ERC1: variants seen among roughly 807,000 people sequenced by gnomAD.
The protein encoded by ERC1 is ELKS/RAB6-interacting/CAST family member 1.
A neutral mutation model predicts 132.0 loss-of-function variants in ERC1; 56 were observed. The observed-to-expected ratio is 0.42, with a 90% CI of 0.34 to 0.53. The LOEUF is 0.53. Ranked by LOEUF, ERC1 falls within the 20% of genes least tolerant of loss-of-function variation. ERC1 has a pLI of 0.03. For missense variants in ERC1, 1,202 were observed against 1,349.9 expected (o/e 0.89, Z 1.72); for synonymous variants, 478 against 476.1 (o/e 1.00, Z -0.05).
intron 18 of ERC1, among the ~76,000 whole-genome samples, chr12:1,445,538 C>T (rs141270871): frequency 2.4e-3 from 362 of 152,200 alleles, no homozygotes; most frequent in African/African-American, 5.7e-3. Flanking sequence ...GCCAGTTGTA[C>T]GCTAGATCTC....
At chr12:1,380,202 G>C (rs949083065) in intron 16 of ERC1, 3 of 152,230 alleles carry the variant, frequency 2.0e-5, no homozygotes, top group African/African-American at 7.2e-5. Flanking sequence ...AAAGGGACAA[G>C]TTCCATTCTC....
At chr12:1,240,641 C>T (rs150584149) in intron 13 of ERC1, among the ~76,000 whole-genome samples, 2 of 152,074 alleles carry the variant, frequency 1.3e-5, no homozygotes, top group East Asian at 1.9e-4. Context: ...CATATCTTTG[C>T]TTGAATTTCA....
intron 14 of ERC1, among the ~76,000 whole-genome samples, chr12:1,284,762 C>T (rs903766660): frequency 9.9e-5 from 15 of 152,250 alleles, no homozygotes; most frequent in African/African-American, 3.4e-4. Context: ...CTGCAAACTC[C>T]TGGGCTCAAG....
chr12:1,355,495 G>T (rs767188184), intron 15 of ERC1, among the ~76,000 whole-genome samples: 11 of 152,122 alleles, frequency 7.2e-5, no homozygotes, highest in Non-Finnish European at 1.5e-4. Flanking sequence ...CAGCAGTGCT[G>T]TTATGACCAG....
At chr12:1,243,003 A>T (rs190473405) in intron 13 of ERC1, among the ~76,000 whole-genome samples, 2,637 of 151,398 alleles carry the variant, frequency 0.017, 47 homozygotes, top group Admixed American at 0.037. Context: ...CTGGCTAACA[A>T]GGTGAAACCC....
At chr12:1,382,142 ACT>A (rs1266497130) in intron 16 of ERC1, among the ~76,000 whole-genome samples, 6 of 152,172 alleles carry the variant, frequency 3.9e-5, no homozygotes, top group African/African-American at 1.4e-4. Flanking sequence ...TCTAGATCCA[ACT>A]CTGTTGATAA....
intron 1 of ERC1, among the ~76,000 whole-genome samples, chr12:1,011,161 G>C (rs527343827): frequency 1.3e-5 from 2 of 152,002 alleles, no homozygotes; most frequent in African/African-American, 4.8e-5. Context: ...AATTACAGTG[G>C]CTCTCCTTTT....
At chr12:1,455,005 G>A (rs1034969568) in intron 18 of ERC1, among the ~76,000 whole-genome samples, 6 of 152,156 alleles carry the variant, frequency 3.9e-5, no homozygotes, top group Admixed American at 2.0e-4. Flanking sequence ...GAAATAGATT[G>A]AGGTAATGTC....
chr12:1,182,075 C>G lies in ERC1; in HGVS notation c.2016+10C>G. ...CCTTTCAGAGAAAGAGGTTAAGCTCCCCAAAATGGAATTAGTTTGTTTGCT... is the reference window on the plus strand; with the variant it reads ...CCTTTCAGAGAAAGAGGTTAAGCTCGCCAAAATGGAATTAGTTTGTTTGCT... On this transcript the variant is annotated intron_variant, in intron 10 of 18. Transcript: ENST00000360905. 1.2e-6 allele frequency: 2 copies of G among 1,611,604 alleles called. No individual in the cohort carries two copies. The highest frequency in any genetic ancestry group is 1.7e-6 in the Non-Finnish European group (2 of 1,178,800).
chr12:1,196,976 ATTTT>A (rs1172269593), intron 12 of ERC1, among the ~76,000 whole-genome samples: 8 of 73,318 alleles, frequency 1.1e-4, no homozygotes, highest in East Asian at 9.3e-4. Context: ...ATATATATAT[ATTTT>A]TTTTTTTTTT....
intron 15 of ERC1, among the ~76,000 whole-genome samples, chr12:1,344,303 G>GTTAA (rs1595127562): frequency 1.3e-5 from 2 of 151,984 alleles, no homozygotes; most frequent in East Asian, 3.8e-4. Context: ...GCTTTTCTTC[G>GTTAA]CTAATCATGA....
intron 17 of ERC1, among the ~76,000 whole-genome samples, chr12:1,412,918 C>T (rs933019760): frequency 1.6e-4 from 25 of 152,298 alleles, no homozygotes; most frequent in African/African-American, 5.5e-4. Context: ...CTAACATCAT[C>T]GTCTAATCCA....
At chr12:1,061,423 C>T (rs1937857700) in intron 2 of ERC1, among the ~76,000 whole-genome samples, 2 of 119,566 alleles carry the variant, frequency 1.7e-5, no homozygotes, top group African/African-American at 6.8e-5. Context: ...TGGTGAAACC[C>T]TGTCTCTACT....
At chr12:1,188,972 T>G (rs1267438665) in intron 11 of ERC1, among the ~76,000 whole-genome samples, 3 of 152,240 alleles carry the variant, frequency 2.0e-5, no homozygotes, top group Non-Finnish European at 4.4e-5. Context: ...TGAAACTGTT[T>G]TGTATTCCAA....
chr12:1,408,216 A>G lies in ERC1; in HGVS notation c.2993A>G (p.Asn998Ser), dbSNP rs906921044. The change falls in exon 17 of 19, where the codon AAT (asparagine) becomes AGT (serine). Residue 998 changes from asparagine to serine, a missense_variant. By Grantham distance (46) the Asn-to-Ser change is conservative. Coordinates refer to ENST00000360905, the MANE Select transcript of ERC1 (RefSeq NM_178040.4). ...EDDHFKSSHS[N>S]QTNHKPSPDQ... ...GACCACTTCAAATCCTCCCATTCCA[A>G]TCAAACAAATCACAAGCCCTCCCCA... 2.5e-6 allele frequency: 4 copies of G among 1,613,896 alleles called. No homozygotes were observed. The highest frequency in any genetic ancestry group is 1.3e-5 in the African/African-American group (1 of 74,930).
rs148814713 is a variant in ERC1 at position 1,212,302 on chromosome 12, G to A, written c.2351+22250G>A. On this transcript the variant is annotated intron_variant, in intron 12 of 18. Transcript: ENST00000360905. ...ACATTCTCCTTTTCCTCAGGTTTTT[G>A]TTCGTAGTTCTTCTCTGCCTAGTAC... is the stretch of plus-strand genomic sequence containing the variant. Among the ~76,000 whole-genome samples, 753 of 152,106 alleles carry A rather than the reference G, an allele frequency of 5.0e-3. 13 individuals carry two copies. Among genetic ancestry groups the A allele is most frequent in the African/African-American group, 0.017 (723 of 41,496 alleles).
intron 16 of ERC1, among the ~76,000 whole-genome samples, chr12:1,385,144 A>G (rs2089171510): frequency 6.6e-6 from 1 of 152,272 alleles, no homozygotes; most frequent in South Asian, 2.1e-4. Context: ...GCCTGAAGCC[A>G]GTGAAAGGAC....
chr12:1,123,130 C>T (rs775380912), intron 7 of ERC1, among the ~76,000 whole-genome samples: 1 of 151,742 alleles, frequency 6.6e-6, no homozygotes, highest in Non-Finnish European at 1.5e-5. Flanking sequence ...CATTAAGTTA[C>T]TTAAGAAGAT....
chr12:1,043,520 G>A (rs1167586431), intron 2 of ERC1, among the ~76,000 whole-genome samples: 1 of 152,108 alleles, frequency 6.6e-6, no homozygotes, highest in Non-Finnish European at 1.5e-5. Context: ...AATAACTGGG[G>A]GCAGAAGGTG....
Sources: gnomAD v4.1 joint callset for allele counts (sites outside exome capture counted in the v4.1 genomes callset) on GRCh38, gnomAD v4.1.1 for gene constraint, MANE v1.5 for transcripts, NCBI Gene and HGNC (gene_info 2026-07-23, HGNC 2026-07-21) for gene names.